CTTNBP2NL: variants seen among roughly 807,000 people sequenced by gnomAD.
CTTNBP2NL encodes the protein CTTNBP2 N-terminal like, also known as CTTNBP2 N-terminal-like protein.
A neutral mutation model predicts 32.5 loss-of-function variants in CTTNBP2NL; 16 were observed. The ratio of observed to expected loss-of-function variants is 0.49; its 90% CI spans 0.33 to 0.75. The LOEUF is 0.75. Among genes scored for constraint, CTTNBP2NL ranks in the 30% least tolerant of loss-of-function variants. The probability of loss-of-function intolerance (pLI) is 0.02; values close to 1 mark genes in which losing one functional copy is unlikely to be tolerated. For synonymous variants in CTTNBP2NL, 298 were observed against 289.4 expected (o/e 1.03, Z -0.30); for missense variants, 645 against 756.0 (o/e 0.85, Z 1.72).
chr1:112,414,560 G>A (rs1403339926), intron 2 of CTTNBP2NL, among the ~76,000 whole-genome samples: 1 of 152,134 alleles, frequency 6.6e-6, no homozygotes, highest in Admixed American at 6.5e-5. Context: ...TAAAAAGAGT[G>A]ATAAATTACT....
chr1:112,427,263 T>C (rs1016478337), intron 3 of CTTNBP2NL, among the ~76,000 whole-genome samples: 12 of 152,216 alleles, frequency 7.9e-5, no homozygotes, highest in Admixed American at 3.9e-4. Flanking sequence ...GAAGGCATTT[T>C]TTCTCGTTAA....
At chr1:112,427,087 A>AT (rs1435533182) in intron 3 of CTTNBP2NL, among the ~76,000 whole-genome samples, 1 of 152,166 alleles carries the variant, frequency 6.6e-6, no homozygotes, top group Non-Finnish European at 1.5e-5. Flanking sequence ...CAAAGTGTGA[A>AT]TTTTTATACC....
At chr1:112,434,128 G>A (rs1276355393) in intron 3 of CTTNBP2NL, among the ~76,000 whole-genome samples, 1 of 152,136 alleles carries the variant, frequency 6.6e-6, no homozygotes, top group Non-Finnish European at 1.5e-5. Flanking sequence ...TCTTAGCCCT[G>A]TCACATCGTA....
intron 5 of CTTNBP2NL, among the ~76,000 whole-genome samples, chr1:112,455,058 A>T (rs887154874): frequency 2.0e-5 from 3 of 152,200 alleles, no homozygotes; most frequent in Non-Finnish European, 4.4e-5. Flanking sequence ...ATATTTTTTT[A>T]AAATTCTAGT....
At chr1:112,421,704 G>A (rs1296915415) in intron 3 of CTTNBP2NL, among the ~76,000 whole-genome samples, 1 of 151,674 alleles carries the variant, frequency 6.6e-6, no homozygotes, top group African/African-American at 2.4e-5. Flanking sequence ...TGTTATTAGT[G>A]GCACTTGGAC....
intron 3 of CTTNBP2NL, among the ~76,000 whole-genome samples, chr1:112,447,956 G>A (rs963774005): frequency 6.6e-5 from 10 of 152,300 alleles, no homozygotes; most frequent in African/African-American, 2.2e-4. Context: ...TGTGTAATAA[G>A]TAAAAAGTAA....
At position 112,458,435 on chromosome 1, in the gene CTTNBP2NL, T is replaced by C. The variant is rs1650447462; in HGVS notation, c.*1023T>C. 1 of 152,672 alleles carries C rather than the reference T, an allele frequency of 6.5e-6. No individual in the cohort carries two copies. Among genetic ancestry groups the C allele is most frequent in the Non-Finnish European group, 1.5e-5 (1 of 68,048 alleles). The allele number at this position is 152,672 out of a possible 1,614,324, so 9.5% of individuals were successfully genotyped here. On this transcript the variant is annotated 3_prime_UTR_variant, in exon 6 of 6. Coordinates refer to ENST00000271277, the MANE Select transcript of CTTNBP2NL (RefSeq NM_018704.3). ...AATTAACTTTTGCTTAAATGGGAAGTATACATATATCTGTATAGATACATT... is the reference window on the plus strand; with the variant it reads ...AATTAACTTTTGCTTAAATGGGAAGCATACATATATCTGTATAGATACATT...
rs926222325 is a variant in CTTNBP2NL at position 112,460,031 on chromosome 1, G to T, written c.*2619G>T. The T allele has an allele frequency of 2.4e-4, 37 of 152,174 alleles. No homozygotes were observed. Among genetic ancestry groups the T allele is most frequent in the African/African-American group, 8.4e-4 (35 of 41,444 alleles). The allele number at this position is 152,174 out of a possible 1,614,324, so 9.4% of individuals were successfully genotyped here. On this transcript the variant is annotated 3_prime_UTR_variant, in exon 6 of 6. Coordinates refer to ENST00000271277, the MANE Select transcript of CTTNBP2NL (RefSeq NM_018704.3). ...TATTTAAGTTTGCTGTAGATTGTGT[G>T]TGTGTGTGCTAAGTAAAAGTTCCAT...
At chr1:112,422,152 C>T (rs1315900304) in intron 3 of CTTNBP2NL, among the ~76,000 whole-genome samples, 1 of 152,168 alleles carries the variant, frequency 6.6e-6, no homozygotes, top group Non-Finnish European at 1.5e-5. Context: ...CTACTCTCTG[C>T]CCCTTACCCC....
rs137871467 is a variant in CTTNBP2NL, at chr1:112,443,235, A to T, written c.100-5707A>T. 6.1e-3 allele frequency among the ~76,000 whole-genome samples: 936 copies of T among 152,242 alleles called. 8 individuals carry two copies. The highest frequency in any genetic ancestry group is 0.022 in the African/African-American group (893 of 41,526). ...CACAGTTAGTTAAAATATTTTTGAG[A>T]CAGAGTCTCACTCTATCACCGAGGC... On this transcript the variant is annotated intron_variant, in intron 3 of 5. Transcript: ENST00000271277.
chr1:112,417,765 C>T (rs1041609437), intron 3 of CTTNBP2NL, among the ~76,000 whole-genome samples: 44 of 152,134 alleles, frequency 2.9e-4, no homozygotes, highest in Admixed American at 2.8e-3. Context: ...AAAATTGTTT[C>T]AATCGTTTGA....
At chr1:112,442,536 T>C (rs942028295) in intron 3 of CTTNBP2NL, among the ~76,000 whole-genome samples, 1 of 152,108 alleles carries the variant, frequency 6.6e-6, no homozygotes, top group African/African-American at 2.4e-5. Flanking sequence ...CAGTCCAGAA[T>C]GTACATATAA....
intron 3 of CTTNBP2NL, among the ~76,000 whole-genome samples, chr1:112,432,017 G>A (rs1336813129): frequency 6.7e-6 from 1 of 149,710 alleles, no homozygotes; most frequent in Admixed American, 6.7e-5. Context: ...GGAGGAAAGT[G>A]AAAGGGGGTT....
chr1:112,427,659 G>T (rs1267357841), intron 3 of CTTNBP2NL, among the ~76,000 whole-genome samples: 1 of 152,136 alleles, frequency 6.6e-6, no homozygotes, highest in Non-Finnish European at 1.5e-5. Context: ...ACTTTGGGAG[G>T]CCGAGGCAAG....
chr1:112,412,049 T>C (rs1648887207), intron 1 of CTTNBP2NL, 145 bp from the exon 2 acceptor site: 2 of 152,224 alleles, frequency 1.3e-5, no homozygotes, highest in African/African-American at 4.8e-5. Flanking sequence ...AACTTCAACT[T>C]GAAGAACTGG....
chr1:112,411,204 C>G (rs1222437304), intron 1 of CTTNBP2NL, among the ~76,000 whole-genome samples: 1 of 152,122 alleles, frequency 6.6e-6, no homozygotes, highest in African/African-American at 2.4e-5. Flanking sequence ...AATGAAGCAA[C>G]CAAGGACTTA....
At chr1:112,453,125 G>A (rs1474782659) in intron 4 of CTTNBP2NL, among the ~76,000 whole-genome samples, 2 of 151,314 alleles carry the variant, frequency 1.3e-5, no homozygotes, top group African/African-American at 4.9e-5. Context: ...CAAAAGGAAG[G>A]AAGGGGGTGG....
intron 3 of CTTNBP2NL, among the ~76,000 whole-genome samples, chr1:112,440,315 A>T (rs2151374): frequency 0.88 from 134,731 of 152,332 alleles, 59,731 homozygotes; most frequent in East Asian, 1. Flanking sequence ...TTATAACATT[A>T]GTTAGTTTAA....
At chr1:112,430,064 A>G (rs1004346595) in intron 3 of CTTNBP2NL, among the ~76,000 whole-genome samples, 7 of 152,190 alleles carry the variant, frequency 4.6e-5, no homozygotes, top group African/African-American at 1.7e-4. Context: ...AGTTGTTCAT[A>G]AATTGGCTAT....
Sources: allele counts gnomAD v4.1 joint callset (sites outside exome capture counted in the v4.1 genomes callset), GRCh38; gene constraint gnomAD v4.1.1; transcripts MANE v1.5; gene names NCBI Gene and HGNC (gene_info 2026-07-23, HGNC 2026-07-21).